SHANK2: variants seen among roughly 807,000 people sequenced by gnomAD.
The protein encoded by SHANK2 is SH3 and multiple ankyrin repeat domains protein 2.
Under a neutral mutation model 133.7 loss-of-function variants are expected in SHANK2, and 43 were observed. That is an observed-to-expected ratio of 0.32 (90% CI 0.25 to 0.41). The LOEUF is 0.41. Among genes scored for constraint, SHANK2 ranks in the 10% least tolerant of loss-of-function variants. SHANK2 has a pLI of 1.00. For missense variants in SHANK2, 1,994 were observed against 2,235.8 expected (o/e 0.89, Z 2.18); for synonymous variants, 1,017 against 952.8 (o/e 1.07, Z -1.24).
chr11:71,123,650 C>T (rs75006472), intron 3 of SHANK2, among the ~76,000 whole-genome samples: 2,568 of 152,304 alleles, frequency 0.017, 80 homozygotes, highest in African/African-American at 0.059. Flanking sequence ...TTGAGGAGAA[C>T]AGTATCTGAT....
chr11:70,486,933 C>T lies in SHANK2; in HGVS notation c.3360G>A (p.Arg1120=). Residue 1120 remains arginine (R), a synonymous_variant, in exon 25 of 26, where the codon AGG becomes AGA. Transcript: ENST00000601538. This position sits in a 1 kb window ranked among gnomAD's most constrained non-coding sequence, Gnocchi z 8.0. ...CCTCGGGGAACATGGAGGGCCGCGT[C>T]CTGGGGGCGGGTGGCCCCAGGCCCA... ...EDVGLGPPAP[R]TRPSMFPEEG... is the part of the protein sequence containing the mutation. 6.2e-7 allele frequency: 1 copy of T among 1,612,488 alleles called. No homozygotes were observed. Among genetic ancestry groups the T allele is most frequent in the Non-Finnish European group, 8.5e-7 (1 of 1,179,732 alleles).
intron 2 of SHANK2, among the ~76,000 whole-genome samples, chr11:71,218,130 C>A (rs7107011): frequency 1.3e-5 from 2 of 152,252 alleles, no homozygotes; most frequent in East Asian, 3.9e-4. Context: ...AAAGTGCTGG[C>A]ATTACAGGCA....
intron 1 of SHANK2, among the ~76,000 whole-genome samples, chr11:71,231,571 C>T (rs1284171215): frequency 6.6e-6 from 1 of 152,206 alleles, no homozygotes; most frequent in Admixed American, 6.5e-5. Flanking sequence ...CACTCCTAGG[C>T]ATTCGTCCCA....
At chr11:70,708,812 A>G (rs1454090432) in intron 14 of SHANK2, among the ~76,000 whole-genome samples, 1 of 152,200 alleles carries the variant, frequency 6.6e-6, no homozygotes, top group Non-Finnish European at 1.5e-5. Context: ...ATAAGCACAG[A>G]TGCCACGGGA....
At chr11:70,573,223 C>T (rs995602137) in intron 17 of SHANK2, among the ~76,000 whole-genome samples, 5 of 121,042 alleles carry the variant, frequency 4.1e-5, no homozygotes, top group Non-Finnish European at 8.5e-5. Flanking sequence ...GTCACTGCAG[C>T]GGTGGGGGCG....
intron 17 of SHANK2, among the ~76,000 whole-genome samples, chr11:70,593,345 T>C (rs2060353250): frequency 6.6e-6 from 1 of 152,242 alleles, no homozygotes; most frequent in Non-Finnish European, 1.5e-5. Flanking sequence ...ATTAAATATT[T>C]ACTAATCTGA....
At chr11:70,584,598 G>A (rs924711239) in intron 17 of SHANK2, among the ~76,000 whole-genome samples, 2 of 152,096 alleles carry the variant, frequency 1.3e-5, no homozygotes, top group Admixed American at 1.3e-4. Context: ...AGCTGCCAAC[G>A]CTAAACCCAC....
At chr11:70,942,488 C>T in intron 10 of SHANK2, 1 of 454,476 alleles carries the variant, frequency 2.2e-6, no homozygotes, top group South Asian at 1.6e-5. Flanking sequence ...GGGATCTGCC[C>T]CAGAACCCAA....
Position 71,087,151 on chromosome 11 carries a change from T to A in SHANK2, c.912+5271A>T, listed in dbSNP as rs944063908. ...GGCTCTGGGACAGCCAGGCTCTGAATGCAAAGCGCAGGGCCTCAGGGACAG... is the reference window on the plus strand; with the variant it reads ...GGCTCTGGGACAGCCAGGCTCTGAAAGCAAAGCGCAGGGCCTCAGGGACAG... On this transcript the variant is annotated intron_variant, in intron 8 of 25. Coordinates refer to ENST00000601538, the MANE Select transcript of SHANK2 (RefSeq NM_012309.5). Among the ~76,000 whole-genome samples, 3 of 152,178 alleles carry A rather than the reference T, an allele frequency of 2.0e-5. No homozygotes were observed. In the South Asian group the frequency reaches 6.2e-4, roughly 31 times the overall value.
chr11:70,494,515 G>A (rs2058941270), intron 21 of SHANK2, among the ~76,000 whole-genome samples: 1 of 152,000 alleles, frequency 6.6e-6, no homozygotes, highest in Admixed American at 6.6e-5. Context: ...GCTGGTCTCA[G>A]ACTCCTGACC....
chr11:71,084,626 C>T (rs1951352904), intron 8 of SHANK2, among the ~76,000 whole-genome samples: 1 of 152,200 alleles, frequency 6.6e-6, no homozygotes, highest in Non-Finnish European at 1.5e-5. Context: ...GTGCTTCTCC[C>T]GAGAGGGCAG....
At chr11:70,516,828 G>C (rs576770548) in intron 17 of SHANK2, among the ~76,000 whole-genome samples, 1 of 152,304 alleles carries the variant, frequency 6.6e-6, no homozygotes, top group African/African-American at 2.4e-5. Flanking sequence ...CAGCACTTTG[G>C]GGGGCCGAGT....
At chr11:70,678,822 T>A (rs1223474583) in intron 15 of SHANK2, among the ~76,000 whole-genome samples, 1 of 152,200 alleles carries the variant, frequency 6.6e-6, no homozygotes, top group Non-Finnish European at 1.5e-5. Flanking sequence ...ATTACAGGCA[T>A]GACCCACTGC....
intron 17 of SHANK2, among the ~76,000 whole-genome samples, chr11:70,578,272 C>A (rs2060141668): frequency 6.6e-6 from 1 of 152,204 alleles, no homozygotes; most frequent in South Asian, 2.1e-4. Context: ...CCCAGAACCA[C>A]AACAGGCTGC....
intron 2 of SHANK2, among the ~76,000 whole-genome samples, chr11:71,159,515 A>T (rs1952967709): frequency 6.6e-6 from 1 of 152,232 alleles, no homozygotes; most frequent in South Asian, 2.1e-4. Context: ...CTAGAACCTG[A>T]ATATCTTTGG....
chr11:70,551,973 C>T (rs11603191), intron 17 of SHANK2, among the ~76,000 whole-genome samples: 23,594 of 152,206 alleles, frequency 0.16, 1,996 homozygotes, highest in East Asian at 0.36. Flanking sequence ...CGGGGGAGCC[C>T]GTGGGGGTGT....
intron 17 of SHANK2, among the ~76,000 whole-genome samples, chr11:70,557,495 C>T (rs1212881154): frequency 6.6e-6 from 1 of 152,164 alleles, no homozygotes; most frequent in Non-Finnish European, 1.5e-5. Flanking sequence ...AGTTGGCAGT[C>T]CTGGCTCTGA....
At chr11:70,495,507 G>A (rs377076770) in intron 21 of SHANK2, among the ~76,000 whole-genome samples, 14 of 152,356 alleles carry the variant, frequency 9.2e-5, no homozygotes, top group African/African-American at 2.9e-4. Context: ...TGCCTCAAGT[G>A]AGATGTGGCC....
intron 2 of SHANK2, among the ~76,000 whole-genome samples, chr11:71,169,761 A>AC (rs1358428955): frequency 6.6e-6 from 1 of 151,904 alleles, no homozygotes; most frequent in Non-Finnish European, 1.5e-5. Flanking sequence ...TCTCAAAAAA[A>AC]AAAAAAAAAA....
Sources: gnomAD v4.1 joint callset for allele counts (sites outside exome capture counted in the v4.1 genomes callset) on GRCh38, gnomAD v4.1.1 for gene constraint, Gnocchi (gnomAD v3.1) non-coding constraint, MANE v1.5 for transcripts, NCBI Gene and HGNC (gene_info 2026-07-23, HGNC 2026-07-21) for gene names.